Variants in SH3YL1 observed in about 807,000 individuals in gnomAD.
SH3YL1 encodes SH3 domain-containing YSC84-like protein 1.
A neutral mutation model predicts 45.8 loss-of-function variants in SH3YL1; 41 were observed. The ratio of observed to expected loss-of-function variants is 0.89; its 90% confidence interval spans 0.70 to 1.16. The LOEUF (loss-of-function observed/expected upper bound fraction) is 1.16. SH3YL1 is among the 50% of genes most tolerant of loss of function. The pLI, the probability that SH3YL1 is intolerant of heterozygous loss-of-function variation, is 0.00. For synonymous variants in SH3YL1, 152 were observed against 151.4 expected (o/e 1.00, Z -0.03); for missense variants, 389 against 409.6 (o/e 0.95, Z 0.43).
intron 2 of SH3YL1, among the ~76,000 whole-genome samples, chr2:252,386 G>A (rs1490180281): frequency 1.3e-5 from 2 of 152,196 alleles, no homozygotes; most frequent in East Asian, 1.9e-4. Context: ...AAGGACAGGC[G>A]AGGCTGCAGA....
chr2:243,604 A>T, intron 4 of SH3YL1: 1 of 1,513,790 alleles, frequency 6.6e-7, no homozygotes, highest in Non-Finnish European at 8.8e-7. Context: ...AACCTGAACT[A>T]CCTATCAACA....
chr2:233,272 C>A, intron 5 of SH3YL1, 43 bp from the exon 6 acceptor site: 1 of 1,486,520 alleles, frequency 6.7e-7, no homozygotes, highest in East Asian at 2.4e-5. Context: ...GTGAGCAGCT[C>A]CAAGCCGAGG....
intron 4 of SH3YL1, chr2:240,606 T>A (rs1276879319): frequency 6.6e-6 from 1 of 152,208 alleles, no homozygotes; most frequent in African/African-American, 2.4e-5. Flanking sequence ...AAAGACTACC[T>A]GTGCACAGGA....
chr2:242,214 G>T (rs1172470350), intron 4 of SH3YL1: 1 of 151,754 alleles, frequency 6.6e-6, no homozygotes, highest in African/African-American at 2.4e-5. Flanking sequence ...ACAAAAAATG[G>T]GAAATAAAAA....
At chr2:251,044 TG>T (rs1669051408) in intron 2 of SH3YL1, among the ~76,000 whole-genome samples, 1 of 152,226 alleles carries the variant, frequency 6.6e-6, no homozygotes, top group African/African-American at 2.4e-5. Context: ...GAGTTGCTAT[TG>T]CCCCTATTGG....
intron 1 of SH3YL1, among the ~76,000 whole-genome samples, chr2:259,119 T>C (rs1200385801): frequency 6.6e-6 from 1 of 152,198 alleles, no homozygotes; most frequent in Non-Finnish European, 1.5e-5. Context: ...GTTCCCCTTA[T>C]CTTGTGGATC....
intron 4 of SH3YL1, chr2:240,407 T>C (rs1468040876): frequency 6.6e-6 from 1 of 152,258 alleles, no homozygotes; most frequent in Non-Finnish European, 1.5e-5. Context: ...AAGTGAAAGC[T>C]TTTGGAACAC....
Position 233,192 on chromosome 2 carries a change from C to T in SH3YL1, c.442G>A (p.Ala148Thr). 6.3e-7 allele frequency: 1 copy of T among 1,591,466 alleles called. No individual in the cohort carries two copies. The highest frequency in any genetic ancestry group is 1.7e-5 in the Admixed American group (1 of 57,230). ...EGNVALRSSA[A>T]VFTYCKSRGL... ...CTTGACTTGCAGTACGTGAAGACGGCAGCGGAGCTTCTCAGGGCCACGTTT... is the reference window on the plus strand; with the variant it reads ...CTTGACTTGCAGTACGTGAAGACGGTAGCGGAGCTTCTCAGGGCCACGTTT... The change falls in exon 6 of 10, where the codon GCC (alanine) becomes ACC (threonine). Residue 148 changes from alanine (A) to threonine (T), a missense_variant. Ala to Thr is a moderately conservative substitution (Grantham distance 58). Coordinates refer to ENST00000356150, the MANE Select transcript of SH3YL1 (RefSeq NM_015677.4).
At chr2:221,032 T>TCAGGCATGTGG (rs1553289835) in intron 9 of SH3YL1, among the ~76,000 whole-genome samples, 6 of 151,524 alleles carry the variant, frequency 4.0e-5, no homozygotes, top group Non-Finnish European at 8.9e-5. Flanking sequence ...CGCGAACTGC[T>TCAGGCATGTGG]CAGGCACACA....
upstream of SH3YL1, chr2:264,346 C>T: frequency 3.8e-6 from 1 of 266,468 alleles, no homozygotes; most frequent in Non-Finnish European, 7.1e-6. Flanking sequence ...CCCCGCGTGA[C>T]CCGCCCAGCC....
intron 1 of SH3YL1, among the ~76,000 whole-genome samples, chr2:258,628 A>C (rs1467670545): frequency 6.6e-6 from 1 of 152,146 alleles, no homozygotes; most frequent in African/African-American, 2.4e-5. Context: ...CAGCTTGATC[A>C]CTTGTTGGCT....
chr2:232,325 C>T (rs561556257), intron 6 of SH3YL1, among the ~76,000 whole-genome samples: 9 of 151,730 alleles, frequency 5.9e-5, no homozygotes, highest in African/African-American at 1.7e-4. Context: ...AACAGGAAAC[C>T]TCACAACAAG....
rs1667427136 is a variant in SH3YL1, at chr2:218,199, TAA to T, written c.*610_*611del. The T allele has an allele frequency of 6.6e-6, 1 of 152,150 alleles. No individual in the cohort carries two copies. The highest frequency in any genetic ancestry group is 2.1e-4 in the South Asian group (1 of 4,822). The allele number at this position is 152,150 out of a possible 1,614,324, so 9.4% of individuals were successfully genotyped here. ...TAGAGACAAGTCTACCATGTCACCG[TAA>T]GTTTATGCTACTGCTGGAAATGAAC... On this transcript the variant is annotated 3_prime_UTR_variant, in exon 10 of 10. Coordinates refer to ENST00000356150, the MANE Select transcript of SH3YL1 (RefSeq NM_015677.4).
chr2:227,047 G>A (rs1667814362), intron 8 of SH3YL1, among the ~76,000 whole-genome samples: 1 of 151,670 alleles, frequency 6.6e-6, no homozygotes, highest in African/African-American at 2.4e-5. Context: ...AAATGTGCAT[G>A]GTAGGAAATG....
chr2:262,518 T>C (rs1265044845), intron 1 of SH3YL1: 22 of 1,194,022 alleles, frequency 1.8e-5, no homozygotes, highest in Non-Finnish European at 2.3e-5. Context: ...CATGCCACAC[T>C]GGTCTGATCT....
intron 3 of SH3YL1, among the ~76,000 whole-genome samples, chr2:248,644 T>G (rs190322039): frequency 6.6e-6 from 1 of 152,288 alleles, no homozygotes; most frequent in East Asian, 1.9e-4. Flanking sequence ...TGACTGTCCC[T>G]ACCCTTGGTC....
intron 4 of SH3YL1, among the ~76,000 whole-genome samples, chr2:239,015 T>C (rs1417748941): frequency 1.3e-5 from 2 of 152,180 alleles, no homozygotes; most frequent in Non-Finnish European, 2.9e-5. Context: ...TTAGGGTCAC[T>C]TACACTTATG....
chr2:262,828 C>T lies in SH3YL1; in HGVS notation c.1+1156G>A, dbSNP rs183433530. ...TATCAAATCACTTTTGATGAGCAAA[C>T]ATTATTTTAAACTTTTTTTTAACTT... On this transcript the variant is annotated intron_variant, in intron 1 of 9. Coordinates refer to ENST00000356150, the MANE Select transcript of SH3YL1 (RefSeq NM_015677.4). 1.4e-4 allele frequency: 100 copies of T among 702,844 alleles called. 1 individual carries two copies. The Admixed American group carries it at 4.1e-3, about 29-fold the overall frequency. 43.5% of individuals were successfully genotyped at this position (702,844 alleles called of 1,614,324 possible).
intron 1 of SH3YL1, among the ~76,000 whole-genome samples, chr2:258,287 C>T (rs544862236): frequency 1.3e-5 from 2 of 152,292 alleles, no homozygotes; most frequent in South Asian, 4.1e-4. Flanking sequence ...TATCCTTGAA[C>T]AAGGAATGTT....
Sources: gnomAD v4.1 joint callset for allele counts (sites outside exome capture counted in the v4.1 genomes callset) on GRCh38, gnomAD v4.1.1 for gene constraint, MANE v1.5 for transcripts, NCBI Gene and HGNC (gene_info 2026-07-23, HGNC 2026-07-21) for gene names.